Variants in CLVS1 observed in about 807,000 individuals in gnomAD.
CLVS1 encodes the protein clavesin-1.
A neutral mutation model predicts 33.1 loss-of-function variants in CLVS1; 10 were observed. The ratio of observed to expected loss-of-function variants is 0.30; its 90% CI spans 0.19 to 0.51. The LOEUF (loss-of-function observed/expected upper bound fraction) is 0.51. Ranked by LOEUF, CLVS1 falls within the 20% of genes least tolerant of loss-of-function variation. The pLI is 0.97. For synonymous variants in CLVS1, 163 were observed against 166.1 expected (o/e 0.98, Z 0.14); for missense variants, 343 against 433.4 (o/e 0.79, Z 1.85).
rs375017147 is a variant in CLVS1 at position 61,396,686 on chromosome 8, G to A, written c.630+19907G>A. The stretch of plus-strand genomic sequence containing the variant: ...TCATAACCACTAACAATCATTCTCC[G>A]TTTATTACTCTCTGCTTTTACAGAG... On this transcript the variant is annotated intron_variant, in intron 3 of 5. Transcript: ENST00000325897. Among the ~76,000 whole-genome samples, 54 of 152,176 alleles carry A rather than the reference G, an allele frequency of 3.5e-4. 1 individual carries two copies. Among genetic ancestry groups the A allele is most frequent in the African/African-American group, 1.2e-3 (48 of 41,534 alleles).
intron 2 of CLVS1, among the ~76,000 whole-genome samples, chr8:61,335,387 C>T (rs1811761854): frequency 6.6e-6 from 1 of 152,168 alleles, no homozygotes; most frequent in Non-Finnish European, 1.5e-5. Context: ...TGAACAAGGA[C>T]AGCTTGGAGG....
chr8:61,288,987 A>G (rs552132573), intron 1 of CLVS1, among the ~76,000 whole-genome samples: 1 of 152,334 alleles, frequency 6.6e-6, no homozygotes, highest in African/African-American at 2.4e-5. Context: ...CGAATGAACT[A>G]TTTGTTCCAA....
intron 3 of CLVS1, among the ~76,000 whole-genome samples, chr8:61,380,144 C>T (rs1158354855): frequency 3.9e-5 from 6 of 152,162 alleles, no homozygotes; most frequent in Non-Finnish European, 8.8e-5. Context: ...TCCCAATAGA[C>T]TCCAAAGTGG....
At chr8:61,324,196 A>C (rs187564798) in intron 2 of CLVS1, among the ~76,000 whole-genome samples, 2 of 152,226 alleles carry the variant, frequency 1.3e-5, no homozygotes, top group African/African-American at 4.8e-5. Flanking sequence ...CTTTTCTTGA[A>C]TTGTGCTCCC....
At chr8:61,475,983 A>C (rs1382673119) in intron 5 of CLVS1, among the ~76,000 whole-genome samples, 5 of 152,196 alleles carry the variant, frequency 3.3e-5, no homozygotes, top group African/African-American at 1.2e-4. Context: ...ATAAGGTGTA[A>C]GGAAGGGATC....
the CLVS1 span, among the ~76,000 whole-genome samples, chr8:60,977,576 G>A: frequency 6.6e-6 from 1 of 152,142 alleles, no homozygotes; most frequent in African/African-American, 2.4e-5. Flanking sequence ...GTGCTCAACG[G>A]CAGATCTGAG....
the CLVS1 span, among the ~76,000 whole-genome samples, chr8:61,049,779 T>A: frequency 6.6e-6 from 1 of 152,280 alleles, no homozygotes; most frequent in African/African-American, 2.4e-5. Context: ...CACATTCTCA[T>A]AATGACCGCC....
upstream of CLVS1, among the ~76,000 whole-genome samples, chr8:61,055,315 G>A (rs548282123): frequency 6.6e-6 from 1 of 152,302 alleles, no homozygotes; most frequent in Non-Finnish European, 1.5e-5. Context: ...ACCCAAATAA[G>A]CCAGGTACAC....
the CLVS1 span, among the ~76,000 whole-genome samples, chr8:61,001,372 T>C: frequency 6.6e-6 from 1 of 152,204 alleles, no homozygotes; most frequent in East Asian, 1.9e-4. Context: ...CTAAGATATT[T>C]TCTATCCTTT....
At chr8:61,426,071 A>T (rs986813571) in intron 3 of CLVS1, among the ~76,000 whole-genome samples, 24 of 152,190 alleles carry the variant, frequency 1.6e-4, no homozygotes, top group Admixed American at 1.5e-3. Context: ...AGAAGAGACC[A>T]CAAGGAATAT....
chr8:61,316,915 G>T (rs75472609), intron 2 of CLVS1, among the ~76,000 whole-genome samples: 1 of 152,034 alleles, frequency 6.6e-6, no homozygotes, highest in Non-Finnish European at 1.5e-5. Flanking sequence ...TACCTCTAAG[G>T]GTTGTATTGA....
chr8:61,346,531 CT>C (rs1812225854), intron 2 of CLVS1, among the ~76,000 whole-genome samples: 1 of 152,138 alleles, frequency 6.6e-6, no homozygotes. Flanking sequence ...TAATGATGAC[CT>C]TTTACATGTA....
intron 2 of CLVS1, among the ~76,000 whole-genome samples, chr8:61,372,637 G>A (rs1373799960): frequency 1.3e-5 from 2 of 151,314 alleles, no homozygotes; most frequent in Admixed American, 6.6e-5. Context: ...TTCTGTCCCA[G>A]GATCCCACCC....
chr8:61,195,044 CAT>C (rs1328487040), intron 2 of CLVS1, among the ~76,000 whole-genome samples: 86 of 151,780 alleles, frequency 5.7e-4, no homozygotes, highest in South Asian at 4.2e-4. Context: ...TATATCAAAA[CAT>C]GCGGGATACA....
At chr8:61,160,141 G>A (rs1467894010) in intron 2 of CLVS1, among the ~76,000 whole-genome samples, 1 of 152,194 alleles carries the variant, frequency 6.6e-6, no homozygotes, top group Non-Finnish European at 1.5e-5. Flanking sequence ...GTCTTCAGAT[G>A]AGGATGGAAG....
At chr8:61,061,871 G>A (rs1232948846) in intron 1 of CLVS1, among the ~76,000 whole-genome samples, 1 of 151,796 alleles carries the variant, frequency 6.6e-6, no homozygotes, top group Non-Finnish European at 1.5e-5. Context: ...CTCCATTCAG[G>A]GCTCCAGCAT....
chr8:61,453,712 G>A (rs1477002087), intron 3 of CLVS1, among the ~76,000 whole-genome samples: 1 of 152,182 alleles, frequency 6.6e-6, no homozygotes, highest in Admixed American at 6.5e-5. Context: ...TTACTGTCAT[G>A]ATTAAGCCGG....
chr8:61,164,234 G>A (rs770403991), intron 2 of CLVS1, among the ~76,000 whole-genome samples: 1 of 152,088 alleles, frequency 6.6e-6, no homozygotes, highest in Non-Finnish European at 1.5e-5. Flanking sequence ...ATTCTTAGTC[G>A]GCCTAGGAAA....
the CLVS1 span, among the ~76,000 whole-genome samples, chr8:61,014,085 GTTTT>G: frequency 2.9e-4 from 37 of 126,806 alleles, no homozygotes; most frequent in African/African-American, 9.2e-4. Context: ...ACTTTTTAGT[GTTTT>G]TTTTTTTTTT....
Sources: gnomAD v4.1 joint callset for allele counts (sites outside exome capture counted in the v4.1 genomes callset) on GRCh38, gnomAD v4.1.1 for gene constraint, MANE v1.5 for transcripts, NCBI Gene and HGNC (gene_info 2026-07-23, HGNC 2026-07-21) for gene names.